DOCK4: variants seen among roughly 807,000 people sequenced by gnomAD.
DOCK4 encodes dedicator of cytokinesis protein 4.
DOCK4 carries 97 observed loss-of-function variants against 268.1 expected under a neutral mutation model. The ratio of observed to expected loss-of-function variants is 0.36; its 90% CI spans 0.31 to 0.43. DOCK4 has a LOEUF of 0.43. DOCK4 is among the 20% of genes least tolerant of loss of function. The pLI, the probability that DOCK4 is intolerant of heterozygous loss-of-function variation, is 1.00. For synonymous variants in DOCK4, 954 were observed against 887.2 expected, an observed-to-expected ratio of 1.08 and a Z score of -1.34; for missense variants, 2,145 against 2,455.7, an observed-to-expected ratio of 0.87 and a Z score of 2.67.
chr7:111,764,246 A>T (rs1454499602), intron 39 of DOCK4, among the ~76,000 whole-genome samples: 1 of 152,240 alleles, frequency 6.6e-6, no homozygotes, highest in Non-Finnish European at 1.5e-5. Flanking sequence ...TCTGAAAGGC[A>T]GATAATGATT....
intron 26 of DOCK4, among the ~76,000 whole-genome samples, chr7:111,831,813 A>G (rs1802832531): frequency 6.6e-6 from 1 of 152,204 alleles, no homozygotes; most frequent in South Asian, 2.1e-4. Context: ...TAGTGCAACC[A>G]GACAGGTCTT....
chr7:111,960,157 A>T (rs1796754714), intron 8 of DOCK4, among the ~76,000 whole-genome samples: 1 of 151,944 alleles, frequency 6.6e-6, no homozygotes, highest in Admixed American at 6.6e-5. Context: ...CGAGGTCAGG[A>T]GATGGAGACA....
At chr7:111,783,018 G>GAAA (rs35825505) in intron 34 of DOCK4, 94 bp from the exon 35 acceptor site, 199 of 512,930 alleles carry the variant, frequency 3.9e-4, no homozygotes, top group Middle Eastern at 1.8e-3. Context: ...AAGAAAGAAA[G>GAAA]AAAAAAAAAA....
intron 23 of DOCK4, among the ~76,000 whole-genome samples, chr7:111,856,236 A>G (rs1230588213): frequency 2.0e-5 from 3 of 152,334 alleles, no homozygotes; most frequent in South Asian, 2.1e-4. Flanking sequence ...CGCATTGAGA[A>G]GTTCAGAAAC....
At chr7:112,065,997 A>G (rs1806892316) in intron 1 of DOCK4, among the ~76,000 whole-genome samples, 1 of 152,176 alleles carries the variant, frequency 6.6e-6, no homozygotes, top group Admixed American at 6.5e-5. Flanking sequence ...GACACAACCA[A>G]CATACACTGA....
intron 23 of DOCK4, among the ~76,000 whole-genome samples, chr7:111,858,481 G>A (rs1381927461): frequency 1.3e-5 from 2 of 152,184 alleles, no homozygotes; most frequent in African/African-American, 4.8e-5. Context: ...CCAATGTGGT[G>A]AGCCTCATCC....
chr7:112,098,825 T>TA (rs11375541), intron 1 of DOCK4, among the ~76,000 whole-genome samples: 58,529 of 150,878 alleles, frequency 0.39, 11,601 homozygotes, highest in Non-Finnish European at 0.43. Context: ...TCTATATATT[T>TA]TATCTAAATT....
At chr7:111,973,454 A>G (rs918637509) in intron 8 of DOCK4, among the ~76,000 whole-genome samples, 1 of 152,088 alleles carries the variant, frequency 6.6e-6, no homozygotes, top group Non-Finnish European at 1.5e-5. Flanking sequence ...AATAAACCAA[A>G]TGACACATAA....
chr7:112,015,243 G>C (rs1165297027), intron 1 of DOCK4, among the ~76,000 whole-genome samples: 2 of 152,134 alleles, frequency 1.3e-5, no homozygotes, highest in East Asian at 3.9e-4. Flanking sequence ...ACTCCCACCA[G>C]CACCAGGACA....
chr7:111,846,055 G>A (rs1368201414), intron 24 of DOCK4, among the ~76,000 whole-genome samples: 1 of 152,056 alleles, frequency 6.6e-6, no homozygotes, highest in East Asian at 1.9e-4. Context: ...CACTTCCAGA[G>A]GCAGAATTTC....
At chr7:111,894,381 G>A (rs1012825422) in intron 16 of DOCK4, among the ~76,000 whole-genome samples, 1 of 152,158 alleles carries the variant, frequency 6.6e-6, no homozygotes. Flanking sequence ...TTACATAGCT[G>A]TTGTTCTCGA....
At chr7:111,898,896 C>T (rs756774924) in intron 15 of DOCK4, among the ~76,000 whole-genome samples, 5 of 152,216 alleles carry the variant, frequency 3.3e-5, no homozygotes, top group East Asian at 3.9e-4. Flanking sequence ...GTTCTGAATT[C>T]GAATAATTAC....
At chr7:112,095,919 T>A (rs902934496) in intron 1 of DOCK4, among the ~76,000 whole-genome samples, 1 of 152,016 alleles carries the variant, frequency 6.6e-6, no homozygotes, top group Admixed American at 6.6e-5. Context: ...CTGTCTCTAC[T>A]GAAAATAGCC....
chr7:112,128,769 A>C (rs1016528646), intron 1 of DOCK4, among the ~76,000 whole-genome samples: 3 of 151,942 alleles, frequency 2.0e-5, no homozygotes, highest in African/African-American at 7.3e-5. Context: ...CCAGGGACAC[A>C]AACACTGCGG....
intron 41 of DOCK4, among the ~76,000 whole-genome samples, chr7:111,756,614 G>A (rs1797038306): frequency 6.6e-6 from 1 of 152,082 alleles, no homozygotes; most frequent in Admixed American, 6.5e-5. Flanking sequence ...TTTGGTATGA[G>A]CTGCTGTTGA....
At chr7:111,811,847 A>C in intron 28 of DOCK4, 27 bp downstream of exon 28, 1 of 1,304,428 alleles carries the variant, frequency 7.7e-7, no homozygotes. Context: ...TAGCCCAAGC[A>C]GGAGAGTCAT....
chr7:111,809,871 G>A (rs1300435602), intron 28 of DOCK4, among the ~76,000 whole-genome samples: 1 of 151,958 alleles, frequency 6.6e-6, no homozygotes, highest in Admixed American at 6.6e-5. Flanking sequence ...TATGCTAATT[G>A]CTTTAAATTC....
intron 1 of DOCK4, among the ~76,000 whole-genome samples, chr7:112,190,643 A>G (rs955611837): frequency 2.6e-5 from 4 of 152,066 alleles, no homozygotes; most frequent in Non-Finnish European, 5.9e-5. Flanking sequence ...TGTACCATAA[A>G]ATGACTTTGA....
At chr7:111,796,757 A>G (rs1264028764) in intron 30 of DOCK4, among the ~76,000 whole-genome samples, 1 of 152,206 alleles carries the variant, frequency 6.6e-6, no homozygotes, top group African/African-American at 2.4e-5. Context: ...GCTCTCCAAG[A>G]TCCATTTTTT....
Sources: gnomAD v4.1 joint callset for allele counts (sites outside exome capture counted in the v4.1 genomes callset) on GRCh38, gnomAD v4.1.1 for gene constraint, MANE v1.5 for transcripts, NCBI Gene and HGNC (gene_info 2026-07-23, HGNC 2026-07-21) for gene names.